The following UVRAG variants were observed in gnomAD, a reference collection of about 807,000 sequenced individuals.
UVRAG encodes UV radiation resistance associated.
UVRAG carries 19 observed loss-of-function variants against 78.0 expected under a neutral mutation model. The ratio of observed to expected loss-of-function variants is 0.24; its 90% confidence interval spans 0.17 to 0.36. The LOEUF is 0.36. Ranked by LOEUF, UVRAG falls within the 10% of genes least tolerant of loss-of-function variation. UVRAG has a pLI of 1.00. For missense variants in UVRAG, 740 were observed against 853.8 expected, an observed-to-expected ratio of 0.87 and a Z score of 1.66; for synonymous variants, 323 against 324.6, an observed-to-expected ratio of 1.00 and a Z score of 0.05.
At chr11:76,118,253 T>G (rs1201423752) in intron 14 of UVRAG, among the ~76,000 whole-genome samples, 1 of 152,200 alleles carries the variant, frequency 6.6e-6, no homozygotes, top group African/African-American at 2.4e-5. Flanking sequence ...AGCACTGATT[T>G]TTAGTATTTT....
At chr11:76,105,327 C>T (rs1344260234) in intron 13 of UVRAG, among the ~76,000 whole-genome samples, 1 of 152,140 alleles carries the variant, frequency 6.6e-6, no homozygotes, top group Non-Finnish European at 1.5e-5. Context: ...ATAACTTGAG[C>T]CCAGGAGGTC....
intron 6 of UVRAG, among the ~76,000 whole-genome samples, chr11:75,956,750 G>A (rs865915074): frequency 3.3e-5 from 5 of 152,132 alleles, no homozygotes; most frequent in Middle Eastern, 3.2e-3. Context: ...CCAGCATTTA[G>A]TGTTGTCATT....
intron 14 of UVRAG, among the ~76,000 whole-genome samples, chr11:76,127,538 C>T (rs533258656): frequency 6.0e-5 from 9 of 151,048 alleles, no homozygotes; most frequent in Non-Finnish European, 1.0e-4. Flanking sequence ...GTAATCCAAG[C>T]TACTTGAATC....
At chr11:76,089,912 G>T (rs900833104) in intron 13 of UVRAG, among the ~76,000 whole-genome samples, 6 of 152,046 alleles carry the variant, frequency 3.9e-5, no homozygotes, top group African/African-American at 1.4e-4. Context: ...AACATACCCC[G>T]TTTTGGCCAG....
chr11:75,899,672 C>T (rs1405943364), intron 5 of UVRAG, among the ~76,000 whole-genome samples: 1 of 152,226 alleles, frequency 6.6e-6, no homozygotes, highest in African/African-American at 2.4e-5. Flanking sequence ...TACCAAGTCT[C>T]TGCCTTCACA....
At chr11:75,856,636 G>A (rs145103561) in intron 2 of UVRAG, among the ~76,000 whole-genome samples, 58 of 152,116 alleles carry the variant, frequency 3.8e-4, no homozygotes, top group African/African-American at 1.3e-3. Context: ...TTGTAGAGCC[G>A]AGTTTTGCCA....
intron 1 of UVRAG, among the ~76,000 whole-genome samples, chr11:75,839,665 T>C (rs1270359294): frequency 8.5e-5 from 13 of 152,118 alleles, no homozygotes; most frequent in Admixed American, 7.9e-4. Flanking sequence ...TATGTTCTTA[T>C]ATTTTCTTTC....
At chr11:75,856,024 C>T (rs933190767) in intron 2 of UVRAG, among the ~76,000 whole-genome samples, 2 of 152,218 alleles carry the variant, frequency 1.3e-5, no homozygotes, top group African/African-American at 4.8e-5. Flanking sequence ...GAGTCTCACT[C>T]TGTCGCCCAG....
chr11:75,952,805 A>G (rs1197771903), intron 6 of UVRAG, among the ~76,000 whole-genome samples: 2 of 152,072 alleles, frequency 1.3e-5, no homozygotes, highest in African/African-American at 4.8e-5. Flanking sequence ...ACCTCATGAA[A>G]CAAACTGAAA....
intron 8 of UVRAG, among the ~76,000 whole-genome samples, chr11:75,998,570 T>C (rs1255283188): frequency 6.6e-6 from 1 of 151,900 alleles, no homozygotes; most frequent in Non-Finnish European, 1.5e-5. Context: ...ATCAGAAAAC[T>C]AGGATCTCAA....
At chr11:75,851,604 G>A (rs1240551792) in intron 1 of UVRAG, among the ~76,000 whole-genome samples, 5 of 152,150 alleles carry the variant, frequency 3.3e-5, no homozygotes, top group Admixed American at 2.6e-4. Flanking sequence ...GCTATTATGC[G>A]GGTATATAGC....
chr11:75,995,470 A>G (rs769914459), intron 8 of UVRAG, among the ~76,000 whole-genome samples: 11 of 150,372 alleles, frequency 7.3e-5, no homozygotes, highest in Non-Finnish European at 1.6e-4. Flanking sequence ...TGAAGTTCCC[A>G]TCAACTGTAA....
At chr11:76,002,905 A>G (rs976150060) in intron 8 of UVRAG, among the ~76,000 whole-genome samples, 3 of 152,062 alleles carry the variant, frequency 2.0e-5, no homozygotes, top group Non-Finnish European at 4.4e-5. Context: ...GTGAAACCCT[A>G]TCTTTACAAA....
chr11:75,868,018 A>G (rs532818237), intron 3 of UVRAG, among the ~76,000 whole-genome samples: 16 of 152,358 alleles, frequency 1.1e-4, no homozygotes, highest in Admixed American at 2.0e-4. Context: ...TATTTCTAAA[A>G]TCAGAATTCA....
chr11:75,863,554 G>A (rs1051442655), intron 3 of UVRAG, among the ~76,000 whole-genome samples: 1 of 152,088 alleles, frequency 6.6e-6, no homozygotes, highest in Non-Finnish European at 1.5e-5. Context: ...ATTAGTATTG[G>A]ATTTATTAGA....
At chr11:76,051,379 A>C (rs1007311725) in intron 12 of UVRAG, among the ~76,000 whole-genome samples, 2 of 152,066 alleles carry the variant, frequency 1.3e-5, no homozygotes, top group African/African-American at 4.8e-5. Flanking sequence ...ATTTTTATTT[A>C]ACAAAATTGA....
Position 76,094,695 on chromosome 11 carries a change from C to T in UVRAG, c.1306-21229C>T, listed in dbSNP as rs554660144. On this transcript the variant is annotated intron_variant, in intron 13 of 14. Transcript: ENST00000356136. ...ATGGTAGTTTATATCTCTGTGGGAT[C>T]GGTGGTGATATCCCCTTTATCATTT... is the stretch of plus-strand genomic sequence containing the variant. Among the ~76,000 whole-genome samples, 21 of 152,062 alleles carry T rather than the reference C, an allele frequency of 1.4e-4. No individual in the cohort carries two copies. The South Asian group carries it at 2.7e-3, about 20-fold the overall frequency.
chr11:76,040,625 G>T (rs1238419013), intron 12 of UVRAG, among the ~76,000 whole-genome samples: 1 of 151,978 alleles, frequency 6.6e-6, no homozygotes. Flanking sequence ...GCGCGGTCTC[G>T]ACTCACTGCA....
chr11:75,940,576 A>G (rs1804713588), intron 6 of UVRAG, among the ~76,000 whole-genome samples: 1 of 152,148 alleles, frequency 6.6e-6, no homozygotes, highest in African/African-American at 2.4e-5. Flanking sequence ...TGGTACCACA[A>G]GTTTTGTGGA....
Sources: allele counts gnomAD v4.1 joint callset (sites outside exome capture counted in the v4.1 genomes callset), GRCh38; gene constraint gnomAD v4.1.1; transcripts MANE v1.5; gene names NCBI Gene and HGNC (gene_info 2026-07-23, HGNC 2026-07-21).